The following PSD3 variants were observed in gnomAD, a reference collection of about 807,000 sequenced individuals.
PSD3 encodes PH and SEC7 domain-containing protein 3.
In PSD3, 49 loss-of-function variants were observed where a neutral mutation model predicts 105.5. The observed-to-expected ratio is 0.46, with a 90% CI of 0.37 to 0.59. The LOEUF is 0.59. Among genes scored for constraint, PSD3 ranks in the 20% least tolerant of loss-of-function variants. The probability of loss-of-function intolerance (pLI) is 0.00; values close to 1 mark genes in which losing one functional copy is unlikely to be tolerated. For synonymous variants in PSD3, 557 were observed against 457.8 expected (o/e 1.22, Z -2.77); for missense variants, 1,561 against 1,263.8 (o/e 1.24, Z -3.57).
intron 9 of PSD3, among the ~76,000 whole-genome samples, chr8:18,747,850 G>A (rs1245576231): frequency 1.3e-5 from 2 of 151,896 alleles, no homozygotes; most frequent in African/African-American, 4.8e-5. Context: ...AGAAGAAGAC[G>A]AGTTTCCTTT....
intron 11 of PSD3, among the ~76,000 whole-genome samples, chr8:18,619,614 G>A (rs918806668): frequency 3.3e-5 from 5 of 151,186 alleles, no homozygotes; most frequent in African/African-American, 1.2e-4. Context: ...CTGCACTCCA[G>A]CCTGGGCAAC....
chr8:18,702,448 T>C (rs1213554545), intron 9 of PSD3, among the ~76,000 whole-genome samples: 1 of 152,204 alleles, frequency 6.6e-6, no homozygotes, highest in African/African-American at 2.4e-5. Context: ...TTGTGAATCA[T>C]AGTTGTACGT....
At chr8:18,835,686 T>A (rs1024211294) in intron 4 of PSD3, among the ~76,000 whole-genome samples, 1 of 152,098 alleles carries the variant, frequency 6.6e-6, no homozygotes, top group South Asian at 2.1e-4. Flanking sequence ...AAGAGAATCA[T>A]TAAAAATGTG....
At chr8:18,736,525 T>A (rs1804164166) in intron 9 of PSD3, among the ~76,000 whole-genome samples, 1 of 152,136 alleles carries the variant, frequency 6.6e-6, no homozygotes, top group Admixed American at 6.5e-5. Context: ...TATTTATTAA[T>A]CCTACATTCA....
intron 8 of PSD3, among the ~76,000 whole-genome samples, chr8:18,775,390 GGA>G (rs904705077): frequency 3.9e-5 from 6 of 152,184 alleles, no homozygotes; most frequent in Admixed American, 3.9e-4. Flanking sequence ...CAGTGGGAAT[GGA>G]GAGTCATATG....
At chr8:18,786,798 T>C (rs987807212) in intron 8 of PSD3, 5 of 152,270 alleles carry the variant, frequency 3.3e-5, no homozygotes, top group African/African-American at 1.2e-4. Flanking sequence ...AAGTTGCTTT[T>C]ATCTGTTGAT....
chr8:18,672,612 A>G (rs2130918028), intron 9 of PSD3, among the ~76,000 whole-genome samples: 1 of 152,358 alleles, frequency 6.6e-6, no homozygotes, highest in Admixed American at 6.5e-5. Context: ...ATGAGAAAAT[A>G]AATTTTTTAA....
intron 9 of PSD3, among the ~76,000 whole-genome samples, chr8:18,676,651 C>T (rs961514381): frequency 3.9e-5 from 6 of 152,190 alleles, no homozygotes; most frequent in African/African-American, 1.2e-4. Context: ...GCCCATCACT[C>T]GAGATAACTA....
chr8:18,725,049 CT>C (rs1263434716), intron 9 of PSD3, among the ~76,000 whole-genome samples: 1 of 152,110 alleles, frequency 6.6e-6, no homozygotes, highest in East Asian at 1.9e-4. Context: ...ATCTAATTTC[CT>C]TGTTCTTTTC....
At chr8:18,573,099 G>A (rs1802243818) in intron 13 of PSD3, among the ~76,000 whole-genome samples, 1 of 152,152 alleles carries the variant, frequency 6.6e-6, no homozygotes, top group African/African-American at 2.4e-5. Flanking sequence ...CAGCTGACAG[G>A]TTCTTCGAAA....
In PSD3 at chr8:18,528,726, G is replaced by A. The variant is rs3739399; in HGVS notation, c.*7017C>T. 18,605 of 152,590 alleles carry A rather than the reference G, an allele frequency of 0.12. 1,112 individuals are homozygous for A. Among genetic ancestry groups the A allele is most frequent in the South Asian group, 0.17 (819 of 4,826 alleles). The allele number at this position is 152,590 out of a possible 1,614,324, so 9.5% of individuals were successfully genotyped here. Reference sequence around the variant, plus strand: ...CTTGGGCTGGGACTCTTCTAGGAGCGCCTGAAGACTTATTTATGGCGACCG... The same window carrying A: ...CTTGGGCTGGGACTCTTCTAGGAGCACCTGAAGACTTATTTATGGCGACCG... On this transcript the variant is annotated 3_prime_UTR_variant, in exon 16 of 16. Transcript: ENST00000327040.
At chr8:18,896,936 G>A (rs558711721) in intron 2 of PSD3, among the ~76,000 whole-genome samples, 4 of 151,616 alleles carry the variant, frequency 2.6e-5, no homozygotes, top group African/African-American at 7.3e-5. Flanking sequence ...TCAGCCTCCC[G>A]AGTAGCTGGG....
At chr8:18,573,766 C>T (rs2130345103) in intron 13 of PSD3, among the ~76,000 whole-genome samples, 1 of 152,224 alleles carries the variant, frequency 6.6e-6, no homozygotes, top group African/African-American at 2.4e-5. Context: ...GAAAGTAGAT[C>T]AGTGGGTGCC....
intron 1 of PSD3, among the ~76,000 whole-genome samples, chr8:18,985,494 A>G (rs1273018742): frequency 6.6e-6 from 1 of 152,318 alleles, no homozygotes; most frequent in Admixed American, 6.5e-5. Flanking sequence ...GATATAAAAC[A>G]TATTTTGAAT....
chr8:18,659,975 G>T (rs1019234365), intron 9 of PSD3, among the ~76,000 whole-genome samples: 2 of 152,124 alleles, frequency 1.3e-5, no homozygotes, highest in Non-Finnish European at 2.9e-5. Context: ...ACCTTAATGG[G>T]ACAGGGCAGC....
At chr8:18,924,944 TAC>T (rs1234885178) in intron 2 of PSD3, 5 of 152,132 alleles carry the variant, frequency 3.3e-5, no homozygotes, top group Non-Finnish European at 7.4e-5. Context: ...ACATGGGAAG[TAC>T]AAGCAACAAA....
chr8:18,741,284 T>A (rs971804676), intron 9 of PSD3, among the ~76,000 whole-genome samples: 5 of 152,144 alleles, frequency 3.3e-5, no homozygotes, highest in Admixed American at 6.5e-5. Context: ...CATTTTATGG[T>A]TAGAGAAAGT....
intron 7 of PSD3, 99 bp from the exon 8 acceptor site, chr8:18,799,452 A>AGTACT (rs1273569696): frequency 1.1e-6 from 1 of 945,486 alleles, no homozygotes; most frequent in Admixed American, 1.8e-5. Flanking sequence ...CTATGAAAAC[A>AGTACT]GTACTGTGCT....
intron 4 of PSD3, among the ~76,000 whole-genome samples, chr8:18,815,661 G>A (rs527880007): frequency 6.6e-5 from 10 of 152,238 alleles, no homozygotes; most frequent in South Asian, 2.1e-4. Context: ...TAGCACAGGC[G>A]TTGCTGTGTT....
Sources: gnomAD v4.1 joint callset for allele counts (sites outside exome capture counted in the v4.1 genomes callset) on GRCh38, gnomAD v4.1.1 for gene constraint, MANE v1.5 for transcripts, NCBI Gene and HGNC (gene_info 2026-07-23, HGNC 2026-07-21) for gene names.